MTERF4: variants seen among roughly 807,000 people sequenced by gnomAD.
The protein encoded by MTERF4 is mitochondrial transcription termination factor 4, also known as transcription termination factor 4, mitochondrial.
MTERF4 carries 17 observed loss-of-function variants against 22.5 expected under a neutral mutation model. The ratio of observed to expected loss-of-function variants is 0.75; its 90% CI spans 0.52 to 1.13. The LOEUF (loss-of-function observed/expected upper bound fraction) is 1.13, where lower values mean the gene tolerates loss of function less well. Among genes scored for constraint, MTERF4 ranks in the 50% most tolerant of loss-of-function variants. The pLI is 0.00. For missense variants in MTERF4, 420 were observed against 466.8 expected, an observed-to-expected ratio of 0.90 and a Z score of 0.92; for synonymous variants, 165 against 175.3, an observed-to-expected ratio of 0.94 and a Z score of 0.47.
At chr2:241,078,672 G>A (rs2063166412) in intron 4 of MTERF4, among the ~76,000 whole-genome samples, 1 of 151,802 alleles carries the variant, frequency 6.6e-6, no homozygotes, top group African/African-American at 2.4e-5. Context: ...CAGCTAAAAG[G>A]TACAAGGTTT....
At chr2:241,049,952 T>C in the MTERF4 span, 1 of 1,590,226 alleles carries the variant, frequency 6.3e-7, no homozygotes, top group Non-Finnish European at 8.6e-7. Flanking sequence ...GGCAGGGGCG[T>C]CCGGGCCGGC....
At position 241,099,431 on chromosome 2, in the gene MTERF4, C is replaced by T. The variant is rs769248754; in HGVS notation, c.485G>A (p.Arg162His). The T allele has an allele frequency of 2.4e-5, 38 of 1,613,920 alleles. No homozygotes were observed. Among genetic ancestry groups the T allele is most frequent in the Middle Eastern group, 1.6e-4 (1 of 6,084 alleles). ...CCCAAGCTTTTGCAGGTAACTGGAG[C>T]GCTTCCTCATTTGCATAATAGGCAG... ...LKLPIMQMRK[R>H]SSYLQKLGLG... The change falls in exon 2 of 4, where the codon CGC becomes CAC. Residue 162 changes from arginine to histidine, a missense_variant. Transcript: ENST00000391980.
rs938389503 is a variant in MTERF4, at chr2:241,095,683, A to C, written c.*315T>G. 8 of 320,874 alleles carry C rather than the reference A, an allele frequency of 2.5e-5. No homozygotes were observed. Among genetic ancestry groups the C allele is most frequent in the African/African-American group, 4.3e-5 (2 of 46,598 alleles). 19.9% of individuals were successfully genotyped at this position (320,874 alleles called of 1,614,324 possible). A position where few individuals can be genotyped will look rare whatever the true frequency, so the allele number is the denominator to read the frequency against. On this transcript the variant is annotated 3_prime_UTR_variant, in exon 4 of 4. Coordinates refer to ENST00000391980, the MANE Select transcript of MTERF4 (RefSeq NM_182501.4). ...CACGGAATTATCACCAACATATTCAAAAGAGAAAAAAATAAAACCAATTGT... is the reference window on the plus strand; with the variant it reads ...CACGGAATTATCACCAACATATTCACAAGAGAAAAAAATAAAACCAATTGT...
chr2:241,066,412 C>G, the MTERF4 span, among the ~76,000 whole-genome samples: 2 of 152,214 alleles, frequency 1.3e-5, no homozygotes, highest in African/African-American at 4.8e-5. Flanking sequence ...AGAGGGCTGG[C>G]CTTCCACGGA....
At chr2:241,055,427 C>T in the MTERF4 span, among the ~76,000 whole-genome samples, 2 of 152,198 alleles carry the variant, frequency 1.3e-5, no homozygotes, top group Non-Finnish European at 2.9e-5. Flanking sequence ...TGACATCAAA[C>T]TTCTCAACAG....
At chr2:241,074,746 ACT>A (rs1316455004) in exon 5 of MTERF4, 2 of 152,112 alleles carry the variant, frequency 1.3e-5, no homozygotes, top group Admixed American at 6.5e-5. Flanking sequence ...TTCATGTTGC[ACT>A]CTCACGCTAG....
intron 2 of MTERF4, among the ~76,000 whole-genome samples, chr2:241,097,671 G>A (rs548209803): frequency 6.6e-6 from 1 of 152,038 alleles, no homozygotes; most frequent in Admixed American, 6.5e-5. Context: ...CTTTATTCTG[G>A]CCTCCCACCT....
At chr2:241,058,633 C>G in the MTERF4 span, among the ~76,000 whole-genome samples, 8 of 152,108 alleles carry the variant, frequency 5.3e-5, no homozygotes, top group South Asian at 2.1e-4. Context: ...ATCAATGAAA[C>G]CAAAAGCTAT....
Position 241,096,442 on chromosome 2 carries a change from G to C in MTERF4, c.706-4C>G, listed in dbSNP as rs1251583565. ...TTCCCATCCTGAAGTATGCATACTGGAAGACACAAACACACTTAGGAGTCC... is the reference window on the plus strand; with the variant it reads ...TTCCCATCCTGAAGTATGCATACTGCAAGACACAAACACACTTAGGAGTCC... On this transcript the variant is annotated splice_polypyrimidine_tract_variant and splice_region_variant and intron_variant, in intron 3 of 3. Coordinates refer to ENST00000391980, the MANE Select transcript of MTERF4 (RefSeq NM_182501.4). This position sits in a 1 kb window ranked among gnomAD's most constrained non-coding sequence, Gnocchi z 5.1. The C allele has an allele frequency of 1.2e-5, 19 of 1,613,486 alleles. No individual in the cohort carries two copies. The highest frequency in any genetic ancestry group is 1.5e-5 in the Non-Finnish European group (18 of 1,179,788).
intron 4 of MTERF4, among the ~76,000 whole-genome samples, chr2:241,079,657 TAAA>T (rs992229175): frequency 2.4e-4 from 36 of 152,038 alleles, no homozygotes; most frequent in African/African-American, 8.7e-4. Context: ...TTAAAAACAA[TAAA>T]AAGAAAAGGC....
the MTERF4 span, among the ~76,000 whole-genome samples, chr2:241,042,870 G>A: frequency 2.1e-4 from 32 of 152,214 alleles, no homozygotes; most frequent in Admixed American, 2.6e-4. Flanking sequence ...CCTGCAGAAC[G>A]ATATTAGGGT....
downstream of MTERF4, chr2:241,088,630 GA>G: frequency 3.6e-6 from 2 of 553,822 alleles, no homozygotes; most frequent in Middle Eastern, 4.7e-4. Context: ...CCTTCAGGTG[GA>G]AATGAGGCTC....
At chr2:241,053,221 G>C in the MTERF4 span, 2 of 1,609,410 alleles carry the variant, frequency 1.2e-6, no homozygotes, top group South Asian at 2.2e-5. Context: ...GCGGCTGGGC[G>C]CGGTGGCCCT....
chr2:241,048,548 G>A, the MTERF4 span: 1 of 1,493,758 alleles, frequency 6.7e-7, no homozygotes, highest in Middle Eastern at 2.1e-4. Flanking sequence ...ACGTGTGAGT[G>A]CGCGTCCACT....
chr2:241,088,584 A>G, downstream of MTERF4: 1 of 601,598 alleles, frequency 1.7e-6, no homozygotes, highest in Non-Finnish European at 2.9e-6. Flanking sequence ...CCAAGGGGAA[A>G]CAGACATGAA....
chr2:241,065,801 C>T, the MTERF4 span, among the ~76,000 whole-genome samples: 2 of 152,312 alleles, frequency 1.3e-5, no homozygotes, highest in Non-Finnish European at 2.9e-5. Context: ...AAGATACAGG[C>T]ATGGGATTGG....
chr2:241,047,372 G>A, the MTERF4 span, among the ~76,000 whole-genome samples: 1 of 152,094 alleles, frequency 6.6e-6, no homozygotes, highest in Admixed American at 6.5e-5. Context: ...TGACTGAACT[G>A]CAAGGAGAAA....
the MTERF4 span, among the ~76,000 whole-genome samples, chr2:241,054,578 A>C: frequency 3.6e-4 from 55 of 152,266 alleles, no homozygotes; most frequent in Non-Finnish European, 6.9e-4. Flanking sequence ...ATACAAAAAA[A>C]GAAAATGGAT....
chr2:241,097,676 C>T (rs1291474341), intron 2 of MTERF4, among the ~76,000 whole-genome samples: 1 of 152,164 alleles, frequency 6.6e-6, no homozygotes. Flanking sequence ...TTCTGGCCTC[C>T]CACCTGAAAG....
Sources: allele counts gnomAD v4.1 joint callset (sites outside exome capture counted in the v4.1 genomes callset), GRCh38; gene constraint gnomAD v4.1.1; non-coding constraint Gnocchi (gnomAD v3.1); transcripts MANE v1.5; gene names NCBI Gene and HGNC (gene_info 2026-07-23, HGNC 2026-07-21).